Variants in FAM210A observed in about 807,000 individuals in gnomAD.
FAM210A encodes family with sequence similarity 210 member A.
Under a neutral mutation model 25.3 loss-of-function variants are expected in FAM210A, and 13 were observed. That is an observed-to-expected ratio of 0.51 (90% CI 0.33 to 0.82). The LOEUF is 0.82. Ranked by LOEUF, FAM210A falls within the 40% of genes least tolerant of loss-of-function variation. The pLI, the probability that FAM210A is intolerant of heterozygous loss-of-function variation, is 0.02. For synonymous variants in FAM210A, 125 were observed against 118.7 expected, an observed-to-expected ratio of 1.05 and a Z score of -0.35; for missense variants, 319 against 323.2, an observed-to-expected ratio of 0.99 and a Z score of 0.10.
intron 3 of FAM210A, among the ~76,000 whole-genome samples, chr18:13,668,102 A>C (rs1405543407): frequency 6.6e-6 from 1 of 152,184 alleles, no homozygotes; most frequent in African/African-American, 2.4e-5. Context: ...TGTATAACAA[A>C]ACTTTGAAAG....
intron 3 of FAM210A, 68 bp downstream of exon 3, chr18:13,671,794 C>A: frequency 1.1e-6 from 1 of 928,574 alleles, no homozygotes. Context: ...AACATGGAAT[C>A]TCATGGGAAA....
chr18:13,688,338 G>T (rs901964145), intron 1 of FAM210A, among the ~76,000 whole-genome samples: 1 of 152,182 alleles, frequency 6.6e-6, no homozygotes, highest in Non-Finnish European at 1.5e-5. Flanking sequence ...GCCCCATCCT[G>T]TGCCTACAAA....
At chr18:13,712,765 T>C (rs11659430) in intron 1 of FAM210A, among the ~76,000 whole-genome samples, 32,138 of 152,154 alleles carry the variant, frequency 0.21, 4,433 homozygotes, top group Non-Finnish European at 0.31. Context: ...AGCCACCCAG[T>C]TTACAGTATT....
intron 1 of FAM210A, among the ~76,000 whole-genome samples, chr18:13,712,130 T>A (rs2043826458): frequency 6.6e-6 from 1 of 152,086 alleles, no homozygotes; most frequent in Admixed American, 6.5e-5. Context: ...ATTAGAAAAA[T>A]AATGGTGAAA....
At chr18:13,689,802 T>C (rs1219644832) in intron 1 of FAM210A, among the ~76,000 whole-genome samples, 3 of 152,248 alleles carry the variant, frequency 2.0e-5, no homozygotes, top group Non-Finnish European at 2.9e-5. Context: ...TAATTGGCTG[T>C]GGTTCCAAGA....
chr18:13,667,500 C>A (rs1452481132), intron 3 of FAM210A, among the ~76,000 whole-genome samples: 1 of 151,994 alleles, frequency 6.6e-6, no homozygotes, highest in Non-Finnish European at 1.5e-5. Flanking sequence ...GGGTGGGTCA[C>A]CTGAGTTCAG....
At chr18:13,691,172 T>C (rs775292099) in intron 1 of FAM210A, among the ~76,000 whole-genome samples, 10 of 152,064 alleles carry the variant, frequency 6.6e-5, no homozygotes, top group Non-Finnish European at 1.0e-4. Flanking sequence ...GAAGATCAAA[T>C]GAATGAAATG....
At chr18:13,714,585 T>C (rs1249064305) in intron 1 of FAM210A, among the ~76,000 whole-genome samples, 2 of 149,890 alleles carry the variant, frequency 1.3e-5, no homozygotes, top group Non-Finnish European at 2.9e-5. Context: ...TCTGAAACTG[T>C]ATTTTACTTT....
chr18:13,723,130 G>C (rs1315973236), intron 1 of FAM210A, among the ~76,000 whole-genome samples: 3 of 152,180 alleles, frequency 2.0e-5, no homozygotes, highest in African/African-American at 7.2e-5. Context: ...GTATCTAATA[G>C]TGATCTTTTG....
intron 1 of FAM210A, among the ~76,000 whole-genome samples, chr18:13,721,240 A>G (rs1450024111): frequency 6.6e-6 from 1 of 152,142 alleles, no homozygotes; most frequent in Non-Finnish European, 1.5e-5. Context: ...TTGAAAGAAA[A>G]CTGCTTTTGG....
chr18:13,706,996 C>T (rs1434710236), intron 1 of FAM210A, among the ~76,000 whole-genome samples: 1 of 152,174 alleles, frequency 6.6e-6, no homozygotes, highest in Admixed American at 6.5e-5. Flanking sequence ...TCCCGACAGT[C>T]ATGATAACAG....
At chr18:13,681,499 T>C in intron 2 of FAM210A, 106 bp downstream of exon 2, 1 of 905,348 alleles carries the variant, frequency 1.1e-6, no homozygotes, top group Non-Finnish European at 1.6e-6. Flanking sequence ...CCTCTATTGA[T>C]GAAAAACATT....
intron 1 of FAM210A, among the ~76,000 whole-genome samples, chr18:13,700,135 C>A (rs1179721485): frequency 1.3e-5 from 2 of 152,202 alleles, no homozygotes; most frequent in Non-Finnish European, 2.9e-5. Flanking sequence ...TCCCACAAGA[C>A]TACTCCTACT....
intron 2 of FAM210A, 43 bp downstream of exon 2, chr18:13,681,562 T>C: frequency 7.0e-7 from 1 of 1,437,830 alleles, no homozygotes; most frequent in Non-Finnish European, 9.4e-7. Context: ...AGATTAATAT[T>C]CTGGTAAGAC....
At chr18:13,690,137 C>T (rs1159342604) in intron 1 of FAM210A, among the ~76,000 whole-genome samples, 1 of 152,246 alleles carries the variant, frequency 6.6e-6, no homozygotes, top group Non-Finnish European at 1.5e-5. Context: ...GTTGCACCCC[C>T]ACGGAGCCTC....
intron 1 of FAM210A, among the ~76,000 whole-genome samples, chr18:13,689,231 A>G (rs1187147484): frequency 6.6e-6 from 1 of 152,190 alleles, no homozygotes; most frequent in Non-Finnish European, 1.5e-5. Flanking sequence ...AGAACCAAAA[A>G]ATCAGCCACA....
chr18:13,712,607 G>A (rs2043830547), intron 1 of FAM210A, among the ~76,000 whole-genome samples: 1 of 152,116 alleles, frequency 6.6e-6, no homozygotes, highest in Non-Finnish European at 1.5e-5. Context: ...GAGAGCTCAT[G>A]GACCCTCTAT....
chr18:13,685,710 C>T (rs959542433), intron 1 of FAM210A, among the ~76,000 whole-genome samples: 5 of 152,168 alleles, frequency 3.3e-5, no homozygotes, highest in African/African-American at 1.2e-4. Flanking sequence ...CTCCCTAAAA[C>T]GTTTAAAGCC....
At chr18:13,726,143 G>C (rs907696480) in intron 1 of FAM210A, among the ~76,000 whole-genome samples, 186 bp downstream of exon 1, 10 of 152,070 alleles carry the variant, frequency 6.6e-5, no homozygotes, top group Non-Finnish European at 1.3e-4. Flanking sequence ...TCGGCCGCCG[G>C]GGTCTGTGGG....
Sources: gnomAD v4.1 joint callset for allele counts (sites outside exome capture counted in the v4.1 genomes callset) on GRCh38, gnomAD v4.1.1 for gene constraint, MANE v1.5 for transcripts, NCBI Gene and HGNC (gene_info 2026-07-23, HGNC 2026-07-21) for gene names.